Variants in CHST9 observed in about 807,000 individuals in gnomAD.
CHST9 encodes carbohydrate sulfotransferase 9.
CHST9 carries 41 observed loss-of-function variants against 44.4 expected under a neutral mutation model. The observed-to-expected ratio is 0.92, with a 90% CI of 0.72 to 1.20. The LOEUF is 1.20. Among genes scored for constraint, CHST9 ranks in the 50% most tolerant of loss-of-function variants. The pLI is 0.00. For missense variants in CHST9, 504 were observed against 516.5 expected (o/e 0.98, Z 0.23); for synonymous variants, 171 against 178.4 (o/e 0.96, Z 0.33).
chr18:27,022,503 G>A (rs1209110381), intron 4 of CHST9, among the ~76,000 whole-genome samples: 2 of 151,922 alleles, frequency 1.3e-5, no homozygotes, highest in East Asian at 1.9e-4. Flanking sequence ...TATTGTTTTC[G>A]ACCACTTAAA....
rs375812092 is a variant in CHST9, at chr18:27,142,745, A to C, written c.65T>G (p.Val22Gly). ...ATACATGAAGAGGAGTAGCCCAGCT[A>C]CTCCAAATATCAGCACAGAGAGGAA... ...QVFLSVLIFG[V>G]AGLLLFMYLQ... The change falls in exon 2 of 6, where the codon GTA becomes GGA. Residue 22 changes from valine to glycine, a missense_variant. Val to Gly is a moderately radical substitution (Grantham distance 109, BLOSUM62 -3). Coordinates refer to ENST00000618847, the MANE Select transcript of CHST9 (RefSeq NM_031422.6). The C allele has an allele frequency of 6.2e-7, 1 of 1,612,086 alleles. No individual in the cohort carries two copies. The highest frequency in any genetic ancestry group is 8.5e-7 in the Non-Finnish European group (1 of 1,178,852).
intron 2 of CHST9, among the ~76,000 whole-genome samples, chr18:27,051,577 A>ATT (rs2057567575): frequency 6.6e-6 from 1 of 152,144 alleles, no homozygotes; most frequent in South Asian, 2.1e-4. Flanking sequence ...CCAATGAGGA[A>ATT]CAAAGGCCTG....
At chr18:26,973,605 G>T (rs142646370) in intron 4 of CHST9, among the ~76,000 whole-genome samples, 11 of 152,274 alleles carry the variant, frequency 7.2e-5, no homozygotes, top group African/African-American at 2.6e-4. Context: ...TTTTAAAAGC[G>T]TATCTGCTAT....
At chr18:26,968,931 C>T (rs1400590959) in intron 4 of CHST9, among the ~76,000 whole-genome samples, 1 of 151,610 alleles carries the variant, frequency 6.6e-6, no homozygotes, top group Non-Finnish European at 1.5e-5. Context: ...ACACAAAATC[C>T]TCACATGGGT....
At chr18:27,068,275 C>A (rs1568159086) in intron 2 of CHST9, among the ~76,000 whole-genome samples, 1 of 151,832 alleles carries the variant, frequency 6.6e-6, no homozygotes, top group African/African-American at 2.4e-5. Flanking sequence ...ACCATATGTC[C>A]TTTTTTTCAT....
chr18:27,048,628 C>A, intron 2 of CHST9, 125 bp from the exon 3 acceptor site: 3 of 671,892 alleles, frequency 4.5e-6, no homozygotes, highest in Non-Finnish European at 7.5e-6. Flanking sequence ...CCAGTGTGCT[C>A]CTAGAGATGA....
chr18:27,151,375 T>C (rs1410227215), intron 1 of CHST9, among the ~76,000 whole-genome samples: 1 of 152,132 alleles, frequency 6.6e-6, no homozygotes, highest in Non-Finnish European at 1.5e-5. Context: ...CCTCAAAGGA[T>C]AACACCTCAC....
chr18:26,978,879 A>G (rs1439840428), intron 4 of CHST9, among the ~76,000 whole-genome samples: 1 of 152,230 alleles, frequency 6.6e-6, no homozygotes, highest in East Asian at 1.9e-4. Flanking sequence ...AGAGCTGAAC[A>G]GAGTGGGTTC....
At chr18:27,181,985 A>C (rs1598785866) in intron 1 of CHST9, among the ~76,000 whole-genome samples, 1 of 152,208 alleles carries the variant, frequency 6.6e-6, no homozygotes, top group African/African-American at 2.4e-5. Flanking sequence ...AATTAACCTA[A>C]ACACAAGAAA....
intron 1 of CHST9, among the ~76,000 whole-genome samples, chr18:27,163,567 T>A (rs2058766204): frequency 2.6e-5 from 4 of 152,204 alleles, no homozygotes; most frequent in Non-Finnish European, 1.5e-5. Flanking sequence ...CTCAGACTGC[T>A]GTGCTAGCAA....
intron 4 of CHST9, among the ~76,000 whole-genome samples, chr18:26,964,898 G>A (rs1462433598): frequency 6.6e-6 from 1 of 152,208 alleles, no homozygotes; most frequent in African/African-American, 2.4e-5. Flanking sequence ...AGGGACAAAT[G>A]CACAGGGAAA....
chr18:26,940,173 A>G (rs2056061872), intron 5 of CHST9, among the ~76,000 whole-genome samples: 1 of 151,718 alleles, frequency 6.6e-6, no homozygotes, highest in Non-Finnish European at 1.5e-5. Context: ...GTTCCTTTCC[A>G]TGTTTTGTGT....
At chr18:26,957,727 T>C (rs2056344596) in intron 4 of CHST9, among the ~76,000 whole-genome samples, 2 of 152,082 alleles carry the variant, frequency 1.3e-5, no homozygotes, top group Admixed American at 6.6e-5. Flanking sequence ...GTGGTGTGAG[T>C]AGATTGTGTG....
intron 4 of CHST9, among the ~76,000 whole-genome samples, chr18:26,961,592 T>C (rs1365404442): frequency 6.6e-6 from 1 of 152,038 alleles, no homozygotes; most frequent in African/African-American, 2.4e-5. Flanking sequence ...CTGCACCCAG[T>C]TAATTTTTTT....
intron 2 of CHST9, among the ~76,000 whole-genome samples, chr18:27,075,675 T>C (rs1253039163): frequency 6.6e-6 from 1 of 151,938 alleles, no homozygotes; most frequent in Non-Finnish European, 1.5e-5. Flanking sequence ...TACAATGAAG[T>C]ATCTCTTCCA....
At chr18:26,968,065 C>T (rs113682799) in intron 4 of CHST9, among the ~76,000 whole-genome samples, 8 of 152,312 alleles carry the variant, frequency 5.3e-5, no homozygotes, top group African/African-American at 1.7e-4. Flanking sequence ...GCTTTGGGGA[C>T]TTTGGATCTG....
intron 1 of CHST9, among the ~76,000 whole-genome samples, chr18:27,161,242 G>A (rs529649154): frequency 1.2e-4 from 18 of 152,222 alleles, no homozygotes; most frequent in African/African-American, 4.1e-4. Flanking sequence ...TCTCTTGTGG[G>A]CATTTAGTGT....
intron 2 of CHST9, among the ~76,000 whole-genome samples, chr18:27,138,951 G>C (rs1159442853): frequency 6.6e-6 from 1 of 152,114 alleles, no homozygotes; most frequent in East Asian, 1.9e-4. Flanking sequence ...CTAGGAAATG[G>C]ATAAATTAAT....
intron 1 of CHST9, among the ~76,000 whole-genome samples, chr18:27,158,509 G>C (rs2058716746): frequency 6.6e-6 from 1 of 150,586 alleles, no homozygotes; most frequent in East Asian, 1.9e-4. Flanking sequence ...TATCATTGTT[G>C]GACATTTGGG....
Sources: gnomAD v4.1 joint callset for allele counts (sites outside exome capture counted in the v4.1 genomes callset) on GRCh38, gnomAD v4.1.1 for gene constraint, MANE v1.5 for transcripts, NCBI Gene and HGNC (gene_info 2026-07-23, HGNC 2026-07-21) for gene names.